Variants in AIF1L observed in about 807,000 individuals in gnomAD.
The protein encoded by AIF1L is allograft inflammatory factor 1 like.
In AIF1L, 12 loss-of-function variants were observed where a neutral mutation model predicts 20.7. The ratio of observed to expected loss-of-function variants is 0.58; its 90% CI spans 0.37 to 0.94. The LOEUF is 0.94. Ranked by LOEUF, AIF1L falls within the 40% of genes least tolerant of loss-of-function variation. AIF1L has a pLI of 0.01. For synonymous variants in AIF1L, 76 were observed against 65.1 expected (o/e 1.17, Z -0.81); for missense variants, 173 against 185.3 (o/e 0.93, Z 0.39).
At chr9:131,105,376 G>GT (rs1039939324) in intron 2 of AIF1L, among the ~76,000 whole-genome samples, 1 of 152,160 alleles carries the variant, frequency 6.6e-6, no homozygotes, top group Non-Finnish European at 1.5e-5. Context: ...GTTTTGTTTT[G>GT]TTTTTTAAGA....
At chr9:131,097,149 C>G (rs1476799075) in intron 2 of AIF1L, among the ~76,000 whole-genome samples, 1 of 152,178 alleles carries the variant, frequency 6.6e-6, no homozygotes, top group Non-Finnish European at 1.5e-5. Context: ...CGGCTCGTGG[C>G]TCCCCGCAAG....
At position 131,121,474 on chromosome 9, in the gene AIF1L, C is replaced by T. The variant is rs1245330715; in HGVS notation, c.*1152C>T. 2 of 202,576 alleles carry T rather than the reference C, an allele frequency of 9.9e-6. No individual in the cohort carries two copies. The highest frequency in any genetic ancestry group is 2.0e-5 in the Non-Finnish European group (2 of 100,712). 12.5% of individuals were successfully genotyped at this position (202,576 alleles called of 1,614,324 possible). On this transcript the variant is annotated 3_prime_UTR_variant, in exon 6 of 6. Coordinates refer to ENST00000247291, the MANE Select transcript of AIF1L (RefSeq NM_031426.4). ...CTTATGGACTCGCAGGATTTTAGAA[C>T]CCTAATGCACCCTGGAGGGTAGCTG... is the stretch of plus-strand genomic sequence containing the variant.
chr9:131,102,657 G>C (rs1048700877), intron 2 of AIF1L, among the ~76,000 whole-genome samples: 1 of 152,226 alleles, frequency 6.6e-6, no homozygotes, highest in Non-Finnish European at 1.5e-5. Flanking sequence ...TGTTGGCGAG[G>C]ATGCGGCATC....
At position 131,096,584 on chromosome 9, in the gene AIF1L, C is replaced by T; in HGVS notation, c.-46C>T. 5.4e-6 allele frequency: 8 copies of T among 1,483,326 alleles called. No individual in the cohort carries two copies. Among genetic ancestry groups the T allele is most frequent in the Non-Finnish European group, 6.2e-6 (7 of 1,125,294 alleles). 91.9% of individuals were successfully genotyped at this position (1,483,326 alleles called of 1,614,324 possible). A position where few individuals can be genotyped will look rare whatever the true frequency, so the allele number is the denominator to read the frequency against. ...GCGCCTGTGCCTCCTCCTCGTCCCTCGCCGCGTCCGCGAAGCCTGGAGCCG... is the reference window on the plus strand; with the variant it reads ...GCGCCTGTGCCTCCTCCTCGTCCCTTGCCGCGTCCGCGAAGCCTGGAGCCG... On this transcript the variant is annotated 5_prime_UTR_variant, in exon 1 of 6. Coordinates refer to ENST00000247291, the MANE Select transcript of AIF1L (RefSeq NM_031426.4).
intron 5 of AIF1L, 136 bp downstream of exon 5, chr9:131,118,054 C>A: frequency 1.1e-6 from 1 of 881,204 alleles, no homozygotes; most frequent in Non-Finnish European, 1.7e-6. Flanking sequence ...AAGGTACTTA[C>A]TTCTCCTGAT....
At position 131,120,776 on chromosome 9, in the gene AIF1L, T is replaced by C; in HGVS notation, c.*454T>C. On this transcript the variant is annotated 3_prime_UTR_variant, in exon 6 of 6. Coordinates refer to ENST00000247291, the MANE Select transcript of AIF1L (RefSeq NM_031426.4). Reference sequence around the variant, plus strand: ...ACAAGGCTGCAGGGCCTCTTTCGGGTTTCCTTGGACAGTGCCATGGCTCCA... The same window carrying C: ...ACAAGGCTGCAGGGCCTCTTTCGGGCTTCCTTGGACAGTGCCATGGCTCCA... The C allele has an allele frequency of 2.9e-6, 1 of 347,220 alleles. No homozygotes were observed. Among genetic ancestry groups the C allele is most frequent in the Non-Finnish European group, 5.2e-6 (1 of 192,762 alleles). 21.5% of individuals were successfully genotyped at this position (347,220 alleles called of 1,614,324 possible). A position where few individuals can be genotyped will look rare whatever the true frequency, so the allele number is the denominator to read the frequency against.
intron 5 of AIF1L, among the ~76,000 whole-genome samples, chr9:131,118,996 G>A (rs1476618565): frequency 6.6e-6 from 1 of 152,234 alleles, no homozygotes; most frequent in Non-Finnish European, 1.5e-5. Flanking sequence ...CCTTAGGTCT[G>A]CGAGTCTCAG....
At chr9:131,108,969 G>A (rs1191255432) in intron 2 of AIF1L, among the ~76,000 whole-genome samples, 2 of 152,196 alleles carry the variant, frequency 1.3e-5, no homozygotes, top group African/African-American at 4.8e-5. Context: ...AGACTAGGAA[G>A]GTAGTGAGTT....
intron 2 of AIF1L, among the ~76,000 whole-genome samples, chr9:131,110,034 AC>A (rs531871831): frequency 5.2e-4 from 79 of 152,276 alleles, no homozygotes; most frequent in African/African-American, 1.8e-3. Context: ...ACAGAGTGAA[AC>A]CCTGTCTCTA....
chr9:131,096,684 G>T (rs1830533880), intron 1 of AIF1L, 24 bp downstream of exon 1: 1 of 1,466,642 alleles, frequency 6.8e-7, no homozygotes, highest in East Asian at 2.9e-5. Flanking sequence ...TCCCCGAGCA[G>T]CCACCTGTGC....
chr9:131,110,419 A>G (rs1046773256), intron 2 of AIF1L, among the ~76,000 whole-genome samples: 1 of 152,120 alleles, frequency 6.6e-6, no homozygotes, highest in African/African-American at 2.4e-5. Flanking sequence ...AGGTGAGGAA[A>G]CAGGTGAGAG....
At chr9:131,103,370 G>A (rs1055231274) in intron 2 of AIF1L, among the ~76,000 whole-genome samples, 1 of 152,158 alleles carries the variant, frequency 6.6e-6, no homozygotes, top group African/African-American at 2.4e-5. Context: ...CAGCATGGTC[G>A]GTGGGTGATG....
At chr9:131,096,992 A>G in intron 2 of AIF1L, 129 bp downstream of exon 2, 1 of 1,075,930 alleles carries the variant, frequency 9.3e-7, no homozygotes, top group Non-Finnish European at 1.2e-6. Context: ...GGCTTCCCTC[A>G]GGTGCCTCCC....
At chr9:131,109,906 G>A (rs1334369568) in intron 2 of AIF1L, among the ~76,000 whole-genome samples, 3 of 151,986 alleles carry the variant, frequency 2.0e-5, no homozygotes, top group Non-Finnish European at 4.4e-5. Flanking sequence ...CCTGCAAAAT[G>A]GGTATAATAA....
intron 2 of AIF1L, among the ~76,000 whole-genome samples, chr9:131,110,693 G>A (rs565346251): frequency 6.6e-6 from 1 of 151,442 alleles, no homozygotes; most frequent in Non-Finnish European, 1.5e-5. Context: ...TATAGAGACG[G>A]GGTTTCACTA....
Position 131,117,766 on chromosome 9 carries a change from T to C in AIF1L, c.213T>C (p.Ser71=). 1.2e-6 allele frequency: 2 copies of C among 1,612,394 alleles called. No individual in the cohort carries two copies. The highest frequency in any genetic ancestry group is 1.7e-6 in the Non-Finnish European group (2 of 1,179,310). The change falls in exon 5 of 6, where the codon TCT becomes TCC. Residue 71 remains serine (S), a synonymous_variant. Transcript: ENST00000247291. ...LNNEGEIDLM[S]LKRMMEKLGV... ...CTTTTCCCCCGGCAGACCTGATGTC[T>C]TTAAAGAGGATGATGGAGAAGCTTG...
intron 2 of AIF1L, among the ~76,000 whole-genome samples, chr9:131,097,996 C>G (rs1402585873): frequency 6.6e-6 from 1 of 152,240 alleles, no homozygotes; most frequent in East Asian, 1.9e-4. Context: ...CCTGGACACC[C>G]AGGGTCTAAG....
In AIF1L at chr9:131,120,279, C is replaced by T. The variant is rs1293097635; in HGVS notation, c.410C>T (p.Pro137Leu). The change falls in exon 6 of 6, where the codon CCA becomes CTA. Residue 137 changes from proline (P) to leucine (L), a missense_variant. By Grantham distance (98) the Pro-to-Leu change is moderately conservative. Coordinates refer to ENST00000247291, the MANE Select transcript of AIF1L (RefSeq NM_031426.4). ...EGKANESSPKPVGPPPERDIA... is the reference protein window; with the variant it reads ...EGKANESSPKLVGPPPERDIA... The stretch of plus-strand genomic sequence containing the variant: ...AAAGCCAACGAGAGCAGCCCCAAGC[C>T]AGTTGGCCCCCCTCCAGAGAGAGAC... 1 of 1,613,950 alleles carries T rather than the reference C, an allele frequency of 6.2e-7. No homozygotes were observed. The highest frequency in any genetic ancestry group is 8.5e-7 in the Non-Finnish European group (1 of 1,179,984).
intron 2 of AIF1L, among the ~76,000 whole-genome samples, chr9:131,103,679 A>G (rs1192624589): frequency 6.6e-6 from 1 of 152,178 alleles, no homozygotes; most frequent in Non-Finnish European, 1.5e-5. Flanking sequence ...AATTCCTTAC[A>G]GCAACTCAGT....
Sources: gnomAD v4.1 joint callset for allele counts (sites outside exome capture counted in the v4.1 genomes callset) on GRCh38, gnomAD v4.1.1 for gene constraint, MANE v1.5 for transcripts, NCBI Gene and HGNC (gene_info 2026-07-23, HGNC 2026-07-21) for gene names.